The following SI variants were observed in gnomAD, a reference collection of about 807,000 sequenced individuals.
SI encodes sucrase-isomaltase, also known as sucrase-isomaltase, intestinal.
Under a neutral mutation model 253.3 loss-of-function variants are expected in SI, and 235 were observed. The observed-to-expected ratio is 0.93, with a 90% CI of 0.83 to 1.03. The LOEUF is 1.03. Ranked by LOEUF, SI falls within the 50% of genes least tolerant of loss-of-function variation. SI has a pLI of 0.00. For missense variants in SI, 2,442 were observed against 2,211.1 expected (o/e 1.10, Z -2.09); for synonymous variants, 819 against 712.0 (o/e 1.15, Z -2.39).
chr3:165,053,125 T>C (rs981869567), intron 13 of SI, among the ~76,000 whole-genome samples: 1 of 151,806 alleles, frequency 6.6e-6, no homozygotes, highest in African/African-American at 2.4e-5. Context: ...TTAATTACAT[T>C]AAGTACAGTA....
At chr3:165,036,562 T>G in intron 21 of SI, 85 bp from the exon 22 acceptor site, 1 of 888,114 alleles carries the variant, frequency 1.1e-6, no homozygotes, top group African/African-American at 1.7e-5. Context: ...CTTCAACCTG[T>G]CTGTTTTATG....
intron 47 of SI, among the ~76,000 whole-genome samples, chr3:164,980,824 T>A (rs888398270): frequency 1.3e-5 from 2 of 152,076 alleles, no homozygotes; most frequent in African/African-American, 4.8e-5. Flanking sequence ...TTTATTTGCT[T>A]TATTTTTACC....
At chr3:165,035,369 A>C (rs956955673) in intron 22 of SI, among the ~76,000 whole-genome samples, 4 of 151,982 alleles carry the variant, frequency 2.6e-5, no homozygotes, top group Non-Finnish European at 4.4e-5. Flanking sequence ...CACCCAGAGA[A>C]TAGATCTTTC....
At chr3:165,034,020 A>C (rs756025440) in intron 22 of SI, among the ~76,000 whole-genome samples, 10 of 151,868 alleles carry the variant, frequency 6.6e-5, no homozygotes, top group Non-Finnish European at 1.2e-4. Flanking sequence ...CTCTTTAAAG[A>C]AAAACTGAAG....
rs758152954 is a variant in SI, at chr3:165,023,730, T to C, written c.2939A>G (p.Asp980Gly). The change falls in exon 26 of 48, where the codon GAT becomes GGT. Residue 980 changes from aspartate to glycine, a missense_variant. Transcript: ENST00000264382. ...AGCTGAGTTGACTGAATAAGAGTTA[T>C]CTTGTCTGGGAAAGTAACACTCAGG... ...KAPECYFPRQ[D>G]NSYSVNSARY... The C allele has an allele frequency of 1.9e-6, 3 of 1,610,590 alleles. No individual in the cohort carries two copies. The highest frequency in any genetic ancestry group is 2.5e-6 in the Non-Finnish European group (3 of 1,177,832).
rs531574699 is a variant in SI, at chr3:165,036,471, C to T, written c.2433G>A (p.Lys811=). The change falls in exon 22 of 48, where the codon AAG becomes AAA. Residue 811 remains lysine, a synonymous_variant. Transcript: ENST00000264382. ...ATGCGACTATAAGTCCTAGAGGATTCTTACGGCTGTTAAGAAAAATTAGGT... is the reference window on the plus strand; with the variant it reads ...ATGCGACTATAAGTCCTAGAGGATTTTTACGGCTGTTAAGAAAAATTAGGT... The part of the protein sequence containing the change: ...EPDVTTTASR[K]NPLGLIVALG... The T allele has an allele frequency of 1.2e-5, 19 of 1,609,954 alleles. No homozygotes were observed. In the African/African-American group the frequency reaches 1.7e-4, roughly 15 times the overall value.
At chr3:164,994,553 T>C in intron 40 of SI, 148 bp from the exon 41 acceptor site, 5 of 738,552 alleles carry the variant, frequency 6.8e-6, no homozygotes, top group Non-Finnish European at 1.1e-5. Flanking sequence ...TCTTACACAA[T>C]AATATTTCTA....
At chr3:165,058,865 C>CACACACACACACAG in intron 12 of SI, 98 bp downstream of exon 12, 1 of 891,318 alleles carries the variant, frequency 1.1e-6, no homozygotes, top group Non-Finnish European at 1.8e-6. Context: ...GACATACACA[C>CACACACACACACAG]ACACACACAC....
intron 1 of SI, among the ~76,000 whole-genome samples, chr3:165,078,102 T>C (rs1715120398): frequency 6.6e-6 from 1 of 151,508 alleles, no homozygotes; most frequent in Non-Finnish European, 1.5e-5. Flanking sequence ...TAAGCATACT[T>C]TATTATTCAT....
intron 27 of SI, 47 bp downstream of exon 27, chr3:165,021,182 A>T: frequency 6.5e-7 from 1 of 1,549,032 alleles, no homozygotes; most frequent in Non-Finnish European, 8.9e-7. Context: ...TTCCCTTCGT[A>T]AGCTAAAATT....
rs763718159 is a variant in SI at position 165,041,071 on chromosome 3, C to T, written c.2028G>A (p.Gly676=). The T allele has an allele frequency of 2.5e-6, 4 of 1,612,198 alleles. No individual in the cohort carries two copies. In the African/African-American group the frequency reaches 5.4e-5, roughly 22 times the overall value. The change falls in exon 18 of 48, where the codon GGG becomes GGA. Residue 676 remains glycine, a synonymous_variant. Transcript: ENST00000264382. ...ATGATTTAACCAAAAGTGAATTCTG[C>T]CCAAAAAATGCAGGATCCTGATGCT... is the stretch of plus-strand genomic sequence containing the variant. ...GYEHQDPAFF[G]QNSLLVKSSR...
intron 2 of SI, 24 bp downstream of exon 2, chr3:165,075,871 C>A (rs774047950): frequency 2.3e-6 from 3 of 1,306,820 alleles, no homozygotes; most frequent in South Asian, 1.2e-5. Context: ...GATAATGTAG[C>A]CATGCTTTTA....
At chr3:165,070,297 A>ATATGTATATATACATATATAAT (rs1414325502) in intron 3 of SI, among the ~76,000 whole-genome samples, 4 of 26,048 alleles carry the variant, frequency 1.5e-4, no homozygotes, top group African/African-American at 1.9e-4. Flanking sequence ...ATATATAATT[A>ATATGTATATATACATATATAAT]TATATGTATA....
At chr3:165,029,881 C>T (rs1712144331) in intron 25 of SI, among the ~76,000 whole-genome samples, 1 of 150,366 alleles carries the variant, frequency 6.7e-6, no homozygotes, top group South Asian at 2.1e-4. Context: ...AGAATCTTTT[C>T]TTCTCCTTAC....
intron 13 of SI, among the ~76,000 whole-genome samples, chr3:165,054,523 T>A (rs1713590569): frequency 6.6e-6 from 1 of 152,000 alleles, no homozygotes; most frequent in African/African-American, 2.4e-5. Context: ...CCCAACTAAT[T>A]TTTGTATTTT....
At chr3:165,040,016 G>C in intron 18 of SI, 45 bp from the exon 19 acceptor site, 1 of 1,453,980 alleles carries the variant, frequency 6.9e-7, no homozygotes, top group Non-Finnish European at 9.7e-7. Context: ...GAAAAAATAA[G>C]TTTATCCAAA....
chr3:165,030,946 C>A, intron 24 of SI, 79 bp from the exon 25 acceptor site: 2 of 1,457,540 alleles, frequency 1.4e-6, no homozygotes, highest in Non-Finnish European at 1.8e-6. Context: ...TGTATCTGAT[C>A]ATTGGATGAT....
intron 16 of SI, among the ~76,000 whole-genome samples, chr3:165,046,210 G>T (rs1301641650): frequency 6.6e-6 from 1 of 151,896 alleles, no homozygotes; most frequent in Non-Finnish European, 1.5e-5. Context: ...TGTTTTATTT[G>T]TGCATATGAA....
intron 18 of SI, 114 bp from the exon 19 acceptor site, chr3:165,040,085 T>C: frequency 4.9e-6 from 4 of 820,348 alleles, no homozygotes; most frequent in Non-Finnish European, 8.4e-6. Flanking sequence ...TCTTGAATTG[T>C]GCTTGTTTCA....
Sources: allele counts gnomAD v4.1 joint callset (sites outside exome capture counted in the v4.1 genomes callset), GRCh38; gene constraint gnomAD v4.1.1; transcripts MANE v1.5; gene names NCBI Gene and HGNC (gene_info 2026-07-23, HGNC 2026-07-21).